MEGF10: variants seen among roughly 807,000 people sequenced by gnomAD.
MEGF10 encodes the protein multiple epidermal growth factor-like domains protein 10.
Under a neutral mutation model 147.5 loss-of-function variants are expected in MEGF10, and 86 were observed. The ratio of observed to expected loss-of-function variants is 0.58; its 90% CI spans 0.49 to 0.70. MEGF10 has a LOEUF of 0.70. MEGF10 is among the 30% of genes least tolerant of loss of function. The pLI is 0.00. For missense variants in MEGF10, 1,329 were observed against 1,487.3 expected (o/e 0.89, Z 1.75); for synonymous variants, 478 against 525.5 (o/e 0.91, Z 1.24).
the MEGF10 span, among the ~76,000 whole-genome samples, chr5:127,274,527 A>G: frequency 3.9e-5 from 6 of 152,162 alleles, no homozygotes; most frequent in Non-Finnish European, 8.8e-5. Context: ...TAAACCAACT[A>G]TGCCGTAATT....
rs73783801 is a variant in MEGF10 at position 127,452,644 on chromosome 5, C to T, written c.2981-1922C>T. Among the ~76,000 whole-genome samples the T allele has an allele frequency of 5.4e-3, 823 of 152,228 alleles. 11 individuals carry two copies. Among genetic ancestry groups the T allele is most frequent in the African/African-American group, 0.019 (786 of 41,516 alleles). ...GATTGACCTTTAGTCTTTCCCCTTCCAGAGGTGGAGATGATACCATATGGC... is the reference window on the plus strand; with the variant it reads ...GATTGACCTTTAGTCTTTCCCCTTCTAGAGGTGGAGATGATACCATATGGC... On this transcript the variant is annotated intron_variant, in intron 22 of 24. Transcript: ENST00000503335.
At chr5:127,363,923 A>C (rs1351079592) in intron 4 of MEGF10, among the ~76,000 whole-genome samples, 1 of 152,156 alleles carries the variant, frequency 6.6e-6, no homozygotes, top group Non-Finnish European at 1.5e-5. Flanking sequence ...GTAAAACGTT[A>C]TGGAACTTCA....
At chr5:127,352,283 T>G (rs1427463725) in intron 4 of MEGF10, among the ~76,000 whole-genome samples, 1 of 152,212 alleles carries the variant, frequency 6.6e-6, no homozygotes, top group South Asian at 2.1e-4. Context: ...TAGGTATTAT[T>G]ATTGCTTTCA....
intron 4 of MEGF10, among the ~76,000 whole-genome samples, chr5:127,350,661 G>A (rs1762052074): frequency 6.6e-6 from 1 of 152,042 alleles, no homozygotes. Flanking sequence ...GTGGAAGGAA[G>A]GGAAAGACCC....
chr5:127,239,452 T>A, the MEGF10 span, among the ~76,000 whole-genome samples: 10 of 140,558 alleles, frequency 7.1e-5, no homozygotes, highest in East Asian at 1.0e-3. Context: ...ATATATATAT[T>A]ATATATAAAA....
chr5:127,277,613 A>G, the MEGF10 span, among the ~76,000 whole-genome samples: 1 of 152,176 alleles, frequency 6.6e-6, no homozygotes, highest in Non-Finnish European at 1.5e-5. Flanking sequence ...TTAACAAGAT[A>G]ACTTTAGCTG....
the MEGF10 span, among the ~76,000 whole-genome samples, chr5:127,264,353 TTGTC>T: frequency 6.6e-6 from 1 of 152,142 alleles, no homozygotes; most frequent in South Asian, 2.1e-4. Context: ...AGAATCTAGT[TTGTC>T]TGATCCCAAA....
At chr5:127,269,906 G>T in the MEGF10 span, among the ~76,000 whole-genome samples, 8 of 152,198 alleles carry the variant, frequency 5.3e-5, no homozygotes. Context: ...CTACAAGCCA[G>T]AAGAGAGTGG....
the MEGF10 span, among the ~76,000 whole-genome samples, chr5:127,264,919 AT>A: frequency 0.054 from 7,840 of 146,026 alleles, 327 homozygotes; most frequent in African/African-American, 0.12. Flanking sequence ...TTACCCAGGT[AT>A]TTTTTTTTTT....
intron 5 of MEGF10, among the ~76,000 whole-genome samples, chr5:127,391,097 C>CGCGCGCGT (rs1165527458): frequency 1.4e-3 from 50 of 35,470 alleles, no homozygotes; most frequent in Non-Finnish European, 4.4e-3. Context: ...TGCGCGCGCG[C>CGCGCGCGT]GCGCGCACAC....
intron 21 of MEGF10, 43 bp from the exon 22 acceptor site, chr5:127,449,056 T>C (rs573608837): frequency 5.3e-5 from 86 of 1,609,358 alleles, no homozygotes; most frequent in South Asian, 2.1e-4. Context: ...CTGTGCCGCA[T>C]TGTATTTTGT....
intron 19 of MEGF10, chr5:127,445,188 T>G: frequency 2.2e-6 from 1 of 449,252 alleles, no homozygotes; most frequent in Middle Eastern, 6.3e-4. Flanking sequence ...CGCCTCAGTC[T>G]CCTGAGTAGC....
intron 5 of MEGF10, among the ~76,000 whole-genome samples, chr5:127,378,808 A>T (rs1419042795): frequency 6.6e-6 from 1 of 150,934 alleles, no homozygotes; most frequent in African/African-American, 2.4e-5. Context: ...TTGCCACAAG[A>T]TTCCCCAGAC....
intron 1 of MEGF10, among the ~76,000 whole-genome samples, chr5:127,316,443 G>A (rs570009633): frequency 6.6e-6 from 1 of 152,108 alleles, no homozygotes; most frequent in Non-Finnish European, 1.5e-5. Flanking sequence ...TCTTTTCAGA[G>A]ACTACATATT....
intron 4 of MEGF10, among the ~76,000 whole-genome samples, chr5:127,368,621 C>T (rs2126857988): frequency 6.6e-6 from 1 of 152,288 alleles, no homozygotes; most frequent in East Asian, 1.9e-4. Context: ...TCTCTTTTTA[C>T]CTGTTGCTTT....
At chr5:127,445,039 A>G (rs1296363132) in intron 19 of MEGF10, among the ~76,000 whole-genome samples, 1 of 152,244 alleles carries the variant, frequency 6.6e-6, no homozygotes, top group East Asian at 1.9e-4. Flanking sequence ...AATCGGAAAT[A>G]TATAAGAAGC....
chr5:127,445,626 A>G lies in MEGF10; in HGVS notation c.2661A>G (p.Glu887=). The G allele has an allele frequency of 6.2e-7, 1 of 1,614,130 alleles. No individual in the cohort carries two copies. The highest frequency in any genetic ancestry group is 8.5e-7 in the Non-Finnish European group (1 of 1,180,020). The change falls in exon 20 of 25, where the codon GAA becomes GAG. Residue 887 remains glutamate, a synonymous_variant. Coordinates refer to ENST00000503335, the MANE Select transcript of MEGF10 (RefSeq NM_001256545.2). The part of the protein sequence containing the change: ...IIYRHKQKGK[E]SSMPAVTYTP... The stretch of plus-strand genomic sequence containing the variant: ...ATAGACACAAGCAGAAGGGAAAGGA[A>G]TCAAGCATGCCAGCAGTTACCTACA...
chr5:127,367,020 G>A (rs1404666834), intron 4 of MEGF10, among the ~76,000 whole-genome samples: 1 of 152,082 alleles, frequency 6.6e-6, no homozygotes, highest in Non-Finnish European at 1.5e-5. Flanking sequence ...TGATATTAGA[G>A]CAGGGTGCTA....
rs145413055 is a variant in MEGF10 at position 127,376,719 on chromosome 5, C to T, written c.412+6717C>T. Among the ~76,000 whole-genome samples the T allele has an allele frequency of 8.6e-4, 131 of 152,280 alleles. 1 individual carries two copies. The highest frequency in any genetic ancestry group is 1.4e-3 in the Non-Finnish European group (95 of 68,018). ...TGCAATCATCATTATAAGAGCTTTACAGGAATTACTCTCTTAATGGCCATA... is the reference window on the plus strand; with the variant it reads ...TGCAATCATCATTATAAGAGCTTTATAGGAATTACTCTCTTAATGGCCATA... On this transcript the variant is annotated intron_variant, in intron 5 of 24. Coordinates refer to ENST00000503335, the MANE Select transcript of MEGF10 (RefSeq NM_001256545.2).
Sources: allele counts gnomAD v4.1 joint callset (sites outside exome capture counted in the v4.1 genomes callset), GRCh38; gene constraint gnomAD v4.1.1; transcripts MANE v1.5; gene names NCBI Gene and HGNC (gene_info 2026-07-23, HGNC 2026-07-21).